Variants in SAMTOR observed in about 807,000 individuals in gnomAD.
The protein encoded by SAMTOR is S-adenosylmethionine sensor upstream of mTORC1.
At chr7:112,896,146 T>C in the SAMTOR span, among the ~76,000 whole-genome samples, 1 of 152,168 alleles carries the variant, frequency 6.6e-6, no homozygotes, top group African/African-American at 2.4e-5. Flanking sequence ...CAGCTGTTCT[T>C]GAGGTCCCTC....
chr7:112,875,261 C>A, the SAMTOR span, among the ~76,000 whole-genome samples: 2 of 152,276 alleles, frequency 1.3e-5, no homozygotes, highest in African/African-American at 4.8e-5. Flanking sequence ...GTTGTGGTCA[C>A]TGGGTTGATA....
the SAMTOR span, among the ~76,000 whole-genome samples, chr7:112,932,393 G>A: frequency 1.3e-5 from 2 of 152,002 alleles, no homozygotes; most frequent in Non-Finnish European, 2.9e-5. Context: ...TTTAAAAAAG[G>A]GTAAAATTAA....
At chr7:112,887,284 C>T in the SAMTOR span, among the ~76,000 whole-genome samples, 4 of 150,710 alleles carry the variant, frequency 2.7e-5, no homozygotes, top group African/African-American at 7.3e-5. Flanking sequence ...TCCTACTGGC[C>T]TTAGGTTTGT....
the SAMTOR span, among the ~76,000 whole-genome samples, chr7:112,862,374 C>T: frequency 7.2e-5 from 11 of 152,328 alleles, no homozygotes; most frequent in Non-Finnish European, 1.0e-4. Context: ...CATATTATAA[C>T]GTTAGAGTTA....
the SAMTOR span, among the ~76,000 whole-genome samples, chr7:112,832,012 CTTTTTTTTT>C: frequency 1.5e-5 from 2 of 131,092 alleles, 1 homozygote; most frequent in Admixed American, 1.5e-4. Context: ...ACTGAAGTTT[CTTTTTTTTT>C]TTTTTTTTTA....
the SAMTOR span, among the ~76,000 whole-genome samples, chr7:112,931,795 A>C: frequency 6.6e-6 from 1 of 152,212 alleles, no homozygotes; most frequent in Non-Finnish European, 1.5e-5. Context: ...AGGTCAGTAT[A>C]GTTTAGTGGT....
chr7:112,827,447 C>T, the SAMTOR span, among the ~76,000 whole-genome samples: 2 of 152,122 alleles, frequency 1.3e-5, no homozygotes, highest in Non-Finnish European at 2.9e-5. Context: ...TTTATTTCAG[C>T]AGTTGCTTTA....
the SAMTOR span, among the ~76,000 whole-genome samples, chr7:112,895,044 CAAT>C: frequency 4.6e-5 from 7 of 152,078 alleles, no homozygotes; most frequent in Non-Finnish European, 7.4e-5. Flanking sequence ...TTCTTACCAA[CAAT>C]AAAACAATGG....
chr7:112,855,180 A>G, the SAMTOR span, among the ~76,000 whole-genome samples: 1 of 152,208 alleles, frequency 6.6e-6, no homozygotes, highest in African/African-American at 2.4e-5. Flanking sequence ...TATGCTTTCT[A>G]TATCTAATAT....
chr7:112,850,291 G>A, the SAMTOR span, among the ~76,000 whole-genome samples: 1 of 152,170 alleles, frequency 6.6e-6, no homozygotes, highest in South Asian at 2.1e-4. Context: ...GACATGTGTT[G>A]GATTTGGTGT....
chr7:112,864,215 G>A, the SAMTOR span, among the ~76,000 whole-genome samples: 4 of 152,210 alleles, frequency 2.6e-5, no homozygotes, highest in South Asian at 8.3e-4. Flanking sequence ...CACAGAGGGG[G>A]ACAACCCACA....
chr7:112,869,425 C>CGA, the SAMTOR span, among the ~76,000 whole-genome samples: 2 of 152,114 alleles, frequency 1.3e-5, no homozygotes, highest in African/African-American at 4.8e-5. Context: ...TACATCTCTA[C>CGA]ACCAAGCAAC....
the SAMTOR span, among the ~76,000 whole-genome samples, chr7:112,903,206 G>T: frequency 3.3e-5 from 5 of 151,928 alleles, no homozygotes; most frequent in African/African-American, 9.7e-5. Flanking sequence ...CCAGCTACTC[G>T]GGAGGCTGAG....
At chr7:112,888,639 A>T in the SAMTOR span, among the ~76,000 whole-genome samples, 1 of 152,190 alleles carries the variant, frequency 6.6e-6, no homozygotes, top group African/African-American at 2.4e-5. Flanking sequence ...AGTGCAAAAA[A>T]GTATATCTTT....
the SAMTOR span, among the ~76,000 whole-genome samples, chr7:112,836,306 G>C: frequency 6.6e-6 from 1 of 152,072 alleles, no homozygotes; most frequent in African/African-American, 2.4e-5. Context: ...GTCTGTTCAT[G>C]TCCTTTGCCT....
the SAMTOR span, among the ~76,000 whole-genome samples, chr7:112,908,547 T>G: frequency 6.6e-6 from 1 of 152,308 alleles, no homozygotes; most frequent in African/African-American, 2.4e-5. Flanking sequence ...TTGCTTCTGT[T>G]TCTCTGAAGA....
the SAMTOR span, among the ~76,000 whole-genome samples, chr7:112,828,051 C>T: frequency 2.0e-5 from 3 of 152,140 alleles, no homozygotes; most frequent in African/African-American, 7.2e-5. Context: ...ACTGCATCCA[C>T]AGATGTGGAA....
At chr7:112,873,788 GA>G in the SAMTOR span, among the ~76,000 whole-genome samples, 2 of 152,066 alleles carry the variant, frequency 1.3e-5, no homozygotes, top group African/African-American at 4.8e-5. Flanking sequence ...GAGAATAGGA[GA>G]AAATATTTGC....
the SAMTOR span, among the ~76,000 whole-genome samples, chr7:112,828,413 C>T: frequency 2.0e-5 from 3 of 152,196 alleles, no homozygotes; most frequent in Admixed American, 2.0e-4. Context: ...TGCATCTCTC[C>T]AATCTCTGTG....
Sources: allele counts gnomAD v4.1 joint callset (sites outside exome capture counted in the v4.1 genomes callset), GRCh38; gene constraint gnomAD v4.1.1; transcripts MANE v1.5; gene names NCBI Gene and HGNC (gene_info 2026-07-23, HGNC 2026-07-21).